The following IL20RA variants were observed in gnomAD, a reference collection of about 807,000 sequenced individuals.
The protein encoded by IL20RA is interleukin-20 receptor subunit alpha.
In IL20RA, 29 loss-of-function variants were observed where a neutral mutation model predicts 36.5. That is an observed-to-expected ratio of 0.79 (90% CI 0.59 to 1.08). The LOEUF is 1.08. Among genes scored for constraint, IL20RA ranks in the 50% least tolerant of loss-of-function variants. The pLI is 0.00. For synonymous variants in IL20RA, 279 were observed against 267.1 expected (o/e 1.04, Z -0.43); for missense variants, 652 against 668.4 (o/e 0.98, Z 0.27).
chr6:137,001,919 G>A lies in IL20RA; in HGVS notation c.1301C>T (p.Ser434Leu), dbSNP rs1341175411. 1 of 1,613,878 alleles carries A rather than the reference G, an allele frequency of 6.2e-7. No homozygotes were observed. The highest frequency in any genetic ancestry group is 8.5e-7 in the Non-Finnish European group (1 of 1,180,024). Residue 434 changes from serine (S) to leucine (L), a missense_variant, in exon 7 of 7, where the codon TCG (serine) becomes TTG (leucine). Ser to Leu is a moderately radical substitution (Grantham distance 145). Transcript: ENST00000316649. Reference sequence around the variant, plus strand: ...GCCCAAGACTGCCAACGCTGCCTGCGACTCCAATAATGTTCCTTGTGTGGA... The same window carrying A: ...GCCCAAGACTGCCAACGCTGCCTGCAACTCCAATAATGTTCCTTGTGTGGA... ...EVSTQGTLLE[S>L]QAALAVLGPQ...
At chr6:137,002,898 C>T (rs191720287) in intron 6 of IL20RA, among the ~76,000 whole-genome samples, 3 of 152,254 alleles carry the variant, frequency 2.0e-5, no homozygotes, top group Non-Finnish European at 4.4e-5. Context: ...CCCCTTACAC[C>T]ATTCTTATCA....
intron 6 of IL20RA, among the ~76,000 whole-genome samples, chr6:137,004,054 G>T (rs1268828061): frequency 6.6e-6 from 1 of 151,886 alleles, no homozygotes; most frequent in African/African-American, 2.4e-5. Context: ...GCAGGGCAGG[G>T]ATCATGATTG....
rs752577982 is a variant in IL20RA at position 137,001,611 on chromosome 6, A to T, written c.1609T>A (p.Tyr537Asn). Residue 537 changes from tyrosine to asparagine, a missense_variant, in exon 7 of 7, where the codon TAT becomes AAT. Physicochemically the swap from Tyr to Asn is moderately radical, Grantham distance 143 (BLOSUM62 -2). Transcript: ENST00000316649. Reference sequence around the variant, plus strand: ...CATTCCTCCATGAATTGCATGAGATAGGTTTCATTTTCTCCTGGTGGCCTG... The same window carrying T: ...CATTCCTCCATGAATTGCATGAGATTGGTTTCATTTTCTCCTGGTGGCCTG... ...PDRPPGENET[Y>N]LMQFMEEWGL... The T allele has an allele frequency of 2.5e-6, 4 of 1,606,860 alleles. No individual in the cohort carries two copies. The highest frequency in any genetic ancestry group is 2.7e-5 in the African/African-American group (2 of 74,532).
chr6:137,018,591 T>G (rs1261746154), intron 1 of IL20RA, among the ~76,000 whole-genome samples: 2 of 151,284 alleles, frequency 1.3e-5, no homozygotes, highest in African/African-American at 4.9e-5. Flanking sequence ...CTGCCCAACA[T>G]CAGTCTTTGA....
chr6:137,037,374 G>A (rs1776526254), intron 1 of IL20RA, among the ~76,000 whole-genome samples: 1 of 152,162 alleles, frequency 6.6e-6, no homozygotes, highest in African/African-American at 2.4e-5. Flanking sequence ...AGTAGCCTTA[G>A]TTGCATTTAA....
In IL20RA at chr6:137,002,216, T is replaced by G. The variant is rs140012085; in HGVS notation, c.1004A>C (p.Asp335Ala). The G allele has an allele frequency of 7.5e-5, 121 of 1,614,156 alleles. No individual in the cohort carries two copies. In the African/African-American group the frequency reaches 1.6e-3, roughly 21 times the overall value. Reference protein sequence around the residue: ...QDMSLLGKSSDVSSLNDPQPS... With the variant: ...QDMSLLGKSSAVSSLNDPQPS... Reference sequence around the variant, plus strand: ...CTGAGGATCATTAAGGCTGGATACATCACTGCTTTTTCCCAGTAAACTCAT... The same window carrying G: ...CTGAGGATCATTAAGGCTGGATACAGCACTGCTTTTTCCCAGTAAACTCAT... Residue 335 changes from aspartate to alanine, a missense_variant, in exon 7 of 7, where the codon GAT (aspartate) becomes GCT (alanine). Transcript: ENST00000316649.
chr6:137,003,399 TG>T (rs935330677), intron 6 of IL20RA, among the ~76,000 whole-genome samples: 6 of 152,230 alleles, frequency 3.9e-5, no homozygotes, highest in Non-Finnish European at 7.3e-5. Flanking sequence ...CCCACCTCTG[TG>T]GGTTTAATTC....
chr6:137,017,361 C>T (rs375384879), intron 1 of IL20RA, among the ~76,000 whole-genome samples: 17 of 152,248 alleles, frequency 1.1e-4, no homozygotes, highest in African/African-American at 3.6e-4. Context: ...TGAGAGATTG[C>T]ACGAAGAGAG....
chr6:137,039,216 C>T (rs749457924), intron 1 of IL20RA, among the ~76,000 whole-genome samples: 19 of 152,176 alleles, frequency 1.2e-4, no homozygotes, highest in African/African-American at 4.3e-4. Context: ...CAAATACTGC[C>T]TTTCCTGAAT....
chr6:137,028,924 T>A (rs986313961), intron 1 of IL20RA, among the ~76,000 whole-genome samples: 9 of 152,212 alleles, frequency 5.9e-5, no homozygotes, highest in African/African-American at 2.2e-4. Flanking sequence ...TTTCCCAGCC[T>A]GATCACCCAA....
chr6:137,021,630 T>G (rs1258955151), intron 1 of IL20RA, among the ~76,000 whole-genome samples: 1 of 152,048 alleles, frequency 6.6e-6, no homozygotes, highest in Non-Finnish European at 1.5e-5. Context: ...AGAGAGCCAC[T>G]GCACTCCAGC....
At chr6:137,017,858 A>G (rs1436496369) in intron 1 of IL20RA, among the ~76,000 whole-genome samples, 1 of 152,212 alleles carries the variant, frequency 6.6e-6, no homozygotes, top group African/African-American at 2.4e-5. Context: ...AGAAATGGTA[A>G]AGAATTGAGA....
chr6:137,001,506 G>T lies in IL20RA; in HGVS notation c.*52C>A. ...AGGTACTTTATGGCTGGGATCAAAG[G>T]GGTGACTCACTTGTTTGCACAGGAA... On this transcript the variant is annotated 3_prime_UTR_variant, in exon 7 of 7. Coordinates refer to ENST00000316649, the MANE Select transcript of IL20RA (RefSeq NM_014432.4). 1 of 1,470,080 alleles carries T rather than the reference G, an allele frequency of 6.8e-7. No individual in the cohort carries two copies. Among genetic ancestry groups the T allele is most frequent in the Non-Finnish European group, 9.1e-7 (1 of 1,096,204 alleles). The allele number at this position is 1,470,080 out of a possible 1,614,324, so 91.1% of individuals were successfully genotyped here. A position where few individuals can be genotyped will look rare whatever the true frequency, so the allele number is the denominator to read the frequency against.
Position 137,044,720 on chromosome 6 carries a change from A to G in IL20RA, c.9T>C (p.Ala3=), listed in dbSNP as rs1776843589. Residue 3 remains alanine (A), a synonymous_variant, in exon 1 of 7, where the codon GCT becomes GCC. Coordinates refer to ENST00000316649, the MANE Select transcript of IL20RA (RefSeq NM_014432.4). ...GCGGCCGCAGGGCCGGGCGGCCGGG[A>G]GCCCGCATGGGCGGCGGGGCTGGGT... The part of the protein sequence containing the change: MR[A]PGRPALRPLP... 8.2e-7 allele frequency: 1 copy of G among 1,218,990 alleles called. No homozygotes were observed. Among genetic ancestry groups the G allele is most frequent in the Non-Finnish European group, 1.0e-6 (1 of 980,136 alleles). The allele number at this position is 1,218,990 out of a possible 1,614,324, so 75.5% of individuals were successfully genotyped here. A position where few individuals can be genotyped will look rare whatever the true frequency, so the allele number is the denominator to read the frequency against.
intron 1 of IL20RA, among the ~76,000 whole-genome samples, chr6:137,034,946 GAA>G (rs11309213): frequency 1.1e-3 from 126 of 118,526 alleles, no homozygotes; most frequent in African/African-American, 2.5e-3. Context: ...CTCCATCTCA[GAA>G]AAAAAAAAAA....
At chr6:137,013,380 C>A (rs1203927119) in intron 2 of IL20RA, among the ~76,000 whole-genome samples, 1 of 152,198 alleles carries the variant, frequency 6.6e-6, no homozygotes, top group African/African-American at 2.4e-5. Flanking sequence ...AATCACTCAG[C>A]AAATATTCCA....
intron 2 of IL20RA, among the ~76,000 whole-genome samples, chr6:137,013,449 C>A (rs1415201585): frequency 6.6e-6 from 1 of 152,212 alleles, no homozygotes; most frequent in Non-Finnish European, 1.5e-5. Context: ...CTCTGATTTA[C>A]AAGCTTTATC....
chr6:137,010,186 G>A (rs138978591), intron 3 of IL20RA, among the ~76,000 whole-genome samples: 1 of 152,220 alleles, frequency 6.6e-6, no homozygotes, highest in African/African-American at 2.4e-5. Flanking sequence ...GATGTGATTA[G>A]AATGATCTAG....
intron 6 of IL20RA, among the ~76,000 whole-genome samples, chr6:137,004,109 A>G (rs1366984770): frequency 1.3e-5 from 2 of 150,234 alleles, no homozygotes; most frequent in South Asian, 2.1e-4. Context: ...TAAATAGAAC[A>G]TCTTTTCAAA....
Sources: allele counts gnomAD v4.1 joint callset (sites outside exome capture counted in the v4.1 genomes callset), GRCh38; gene constraint gnomAD v4.1.1; transcripts MANE v1.5; gene names NCBI Gene and HGNC (gene_info 2026-07-23, HGNC 2026-07-21).